The following CBLB variants were observed in gnomAD, a reference collection of about 807,000 sequenced individuals.
The protein encoded by CBLB is E3 ubiquitin-protein ligase CBL-B.
Under a neutral mutation model 104.9 loss-of-function variants are expected in CBLB, and 31 were observed. The observed-to-expected ratio is 0.30, with a 90% CI of 0.22 to 0.40. CBLB has a LOEUF of 0.40. Among genes scored for constraint, CBLB ranks in the 10% least tolerant of loss-of-function variants. The pLI, the probability that CBLB is intolerant of heterozygous loss-of-function variation, is 1.00. For synonymous variants in CBLB, 440 were observed against 422.6 expected (o/e 1.04, Z -0.51); for missense variants, 1,062 against 1,214.6 (o/e 0.87, Z 1.87).
At chr3:105,791,392 A>G (rs538115326) in intron 3 of CBLB, among the ~76,000 whole-genome samples, 1 of 152,358 alleles carries the variant, frequency 6.6e-6, no homozygotes, top group South Asian at 2.1e-4. Context: ...CCTCACTTCC[A>G]GAAATGATTC....
intron 16 of CBLB, 93 bp from the exon 17 acceptor site, chr3:105,678,664 G>T: frequency 1.5e-6 from 2 of 1,363,882 alleles, no homozygotes; most frequent in Non-Finnish European, 2.0e-6. Flanking sequence ...TTCTCTTGCT[G>T]CTTATAAAGA....
At position 105,740,556 on chromosome 3, in the gene CBLB, T is replaced by A. The variant is rs1560036113; in HGVS notation, c.921A>T (p.Leu307Phe). 1 of 1,614,044 alleles carries A rather than the reference T, an allele frequency of 6.2e-7. No homozygotes were observed. Among genetic ancestry groups the A allele is most frequent in the Non-Finnish European group, 8.5e-7 (1 of 1,179,936 alleles). ...IGYVTGDGNILQTIPHNKPLF... is the reference protein window; with the variant it reads ...IGYVTGDGNIFQTIPHNKPLF... ...AGGGCTTGTTATGAGGTATGGTCTGTAAGATATTCCCATCCCCAGTCACAT... is the reference window on the plus strand; with the variant it reads ...AGGGCTTGTTATGAGGTATGGTCTGAAAGATATTCCCATCCCCAGTCACAT... The change falls in exon 7 of 19, where the codon TTA becomes TTT. Residue 307 changes from leucine (L) to phenylalanine (F), a missense_variant. Around this residue, in one of 2 missense-constraint regions of CBLB, gnomAD observed 457 missense variants for 632.0 expected, o/e 0.72. Transcript: ENST00000394030.
At chr3:105,865,982 G>A (rs1271827846) in intron 2 of CBLB, among the ~76,000 whole-genome samples, 2 of 152,146 alleles carry the variant, frequency 1.3e-5, no homozygotes, top group African/African-American at 4.8e-5. Context: ...TTTTCCAATT[G>A]AATAGTCCTT....
chr3:105,673,371 A>C (rs1365445605), intron 17 of CBLB: 1 of 152,148 alleles, frequency 6.6e-6, no homozygotes, highest in Non-Finnish European at 1.5e-5. Flanking sequence ...CTGGCCTGGA[A>C]TGTTTTTCTT....
chr3:105,857,528 C>T (rs1333180421), intron 2 of CBLB, among the ~76,000 whole-genome samples: 2 of 152,060 alleles, frequency 1.3e-5, no homozygotes, highest in African/African-American at 4.8e-5. Flanking sequence ...AAACTAAGAA[C>T]TAGAAAGATT....
intron 17 of CBLB, chr3:105,673,083 T>C (rs2152703593): frequency 6.6e-6 from 1 of 151,398 alleles, no homozygotes; most frequent in East Asian, 1.9e-4. Context: ...TTTTTTTTTT[T>C]TTTGAGAGAG....
In CBLB at chr3:105,738,443, A is replaced by C. The variant is rs1025281157; in HGVS notation, c.984-1185T>G. ...AATGTCCTTATGGGTGTGTTACAAA[A>C]TTTGACAAACATTAAATGAGGAATG... On this transcript the variant is annotated intron_variant, in intron 7 of 18. Transcript: ENST00000394030. 3.9e-5 allele frequency among the ~76,000 whole-genome samples: 6 copies of C among 152,156 alleles called. No individual in the cohort carries two copies. The South Asian group carries it at 1.0e-3, about 26-fold the overall frequency.
At chr3:105,666,311 T>G (rs7612189) in intron 18 of CBLB, among the ~76,000 whole-genome samples, 83,326 of 151,928 alleles carry the variant, frequency 0.55, 23,940 homozygotes, top group Middle Eastern at 0.68. Context: ...CACATTATGA[T>G]TAACTTTGTT....
chr3:105,727,901 G>T (rs929945488), intron 9 of CBLB, among the ~76,000 whole-genome samples: 1 of 152,056 alleles, frequency 6.6e-6, no homozygotes, highest in Admixed American at 6.6e-5. Flanking sequence ...CATTGGTCTA[G>T]ATATCTGTTT....
chr3:105,785,696 A>T (rs764402822), intron 3 of CBLB, among the ~76,000 whole-genome samples: 32 of 152,210 alleles, frequency 2.1e-4, no homozygotes, highest in Admixed American at 1.0e-3. Context: ...GAACCAAAGG[A>T]GGAAAAAAGT....
intron 3 of CBLB, among the ~76,000 whole-genome samples, chr3:105,781,584 T>G (rs772178713): frequency 2.0e-5 from 3 of 152,172 alleles, no homozygotes; most frequent in Admixed American, 6.5e-5. Context: ...TATATCAAGA[T>G]TTGATTAGTG....
At chr3:105,783,206 A>C (rs972740709) in intron 3 of CBLB, among the ~76,000 whole-genome samples, 1 of 152,216 alleles carries the variant, frequency 6.6e-6, no homozygotes, top group Non-Finnish European at 1.5e-5. Flanking sequence ...AAGGTTACTT[A>C]ACCTGTTTCC....
rs1391462088 is a variant in CBLB at position 105,658,175 on chromosome 3, T to C, written c.*795A>G. 11 of 216,138 alleles carry C rather than the reference T, an allele frequency of 5.1e-5. No individual in the cohort carries two copies. Among genetic ancestry groups the C allele is most frequent in the Non-Finnish European group, 7.5e-5 (8 of 107,130 alleles). 13.4% of individuals were successfully genotyped at this position (216,138 alleles called of 1,614,324 possible). A position where few individuals can be genotyped will look rare whatever the true frequency, so the allele number is the denominator to read the frequency against. On this transcript the variant is annotated 3_prime_UTR_variant, in exon 19 of 19. Coordinates refer to ENST00000394030, the MANE Select transcript of CBLB (RefSeq NM_170662.5). Reference sequence around the variant, plus strand: ...AGTAGCTGCTTTCTAATATTGTAGATTTTTACAGTTGTGACACCCCTGGGA... The same window carrying C: ...AGTAGCTGCTTTCTAATATTGTAGACTTTTACAGTTGTGACACCCCTGGGA...
chr3:105,751,353 T>C, intron 5 of CBLB, 109 bp downstream of exon 5: 1 of 797,826 alleles, frequency 1.3e-6, no homozygotes, highest in Non-Finnish European at 2.2e-6. Context: ...TTTCCATATG[T>C]TTGTTTATGT....
At chr3:105,665,442 T>TATATACACAC (rs1182735970) in intron 18 of CBLB, among the ~76,000 whole-genome samples, 2 of 67,230 alleles carry the variant, frequency 3.0e-5, no homozygotes, top group African/African-American at 9.7e-5. Context: ...TATATATATA[T>TATATACACAC]ACACACACAC....
Position 105,709,371 on chromosome 3 carries a change from G to T in CBLB, c.1408-5198C>A, listed in dbSNP as rs2070724041. On this transcript the variant is annotated intron_variant, in intron 10 of 18. Transcript: ENST00000394030. Reference sequence around the variant, plus strand: ...ACGTTTTACTGGTTTTGGCAGTTCTGTCCTTGTATCTTTTCAATTTTCTGT... The same window carrying T: ...ACGTTTTACTGGTTTTGGCAGTTCTTTCCTTGTATCTTTTCAATTTTCTGT... 2.0e-5 allele frequency among the ~76,000 whole-genome samples: 3 copies of T among 151,776 alleles called. No homozygotes were observed. The South Asian group carries it at 6.2e-4, about 32-fold the overall frequency.
intron 2 of CBLB, among the ~76,000 whole-genome samples, chr3:105,865,437 C>T (rs1221331595): frequency 6.6e-6 from 1 of 152,132 alleles, no homozygotes; most frequent in African/African-American, 2.4e-5. Flanking sequence ...GCACCCACAT[C>T]CCACTAAGTA....
At chr3:105,845,540 G>A (rs898638500) in intron 3 of CBLB, among the ~76,000 whole-genome samples, 14 of 151,388 alleles carry the variant, frequency 9.2e-5, no homozygotes, top group East Asian at 7.7e-4. Context: ...ATACCCTAGA[G>A]AGGAAACTGC....
chr3:105,838,249 ATTTTTTTTTTT>A (rs55769611), intron 3 of CBLB, among the ~76,000 whole-genome samples: 13 of 55,974 alleles, frequency 2.3e-4, no homozygotes, highest in Non-Finnish European at 2.8e-4. Context: ...ACACCTGGCT[ATTTTTTTTTTT>A]TTTTTTTTTT....
Sources: gnomAD v4.1 joint callset for allele counts (sites outside exome capture counted in the v4.1 genomes callset) on GRCh38, gnomAD v4.1.1 for gene constraint, gnomAD v4.1.1 regional missense constraint, MANE v1.5 for transcripts, NCBI Gene and HGNC (gene_info 2026-07-23, HGNC 2026-07-21) for gene names.